C18orf63: variants seen among roughly 807,000 people sequenced by gnomAD.
C18orf63 encodes chromosome 18 open reading frame 63, also known as uncharacterized protein C18orf63.
A neutral mutation model predicts 75.3 loss-of-function variants in C18orf63; 50 were observed. The ratio of observed to expected loss-of-function variants is 0.66; its 90% CI spans 0.53 to 0.84. The LOEUF (loss-of-function observed/expected upper bound fraction) is 0.84. Among genes scored for constraint, C18orf63 ranks in the 40% least tolerant of loss-of-function variants. C18orf63 has a pLI of 0.00. For synonymous variants in C18orf63, 232 were observed against 267.6 expected (o/e 0.87, Z 1.30); for missense variants, 732 against 800.2 (o/e 0.91, Z 1.03).
rs1314941367 is a variant in C18orf63, at chr18:74,353,920, A to C, written c.1653A>C (p.Ser551=). The C allele has an allele frequency of 6.5e-7, 1 of 1,536,092 alleles. No individual in the cohort carries two copies. The highest frequency in any genetic ancestry group is 8.7e-7 in the Non-Finnish European group (1 of 1,146,828). ...CTAATAGTGCAGTATTTGTGGTGTC[A>C]AATAACAATTTAGGGGTGGTAAAAA... ...QLSNSAVFVV[S]NNNLGVVKSA... is the part of the protein sequence containing the mutation. The change falls in exon 12 of 14, where the codon TCA becomes TCC. Residue 551 remains serine, a synonymous_variant. Coordinates refer to ENST00000579455, the MANE Select transcript of C18orf63 (RefSeq NM_001174123.2).
chr18:74,342,279 A>T lies in C18orf63; in HGVS notation c.747A>T (p.Lys249Asn). The change falls in exon 10 of 14, where the codon AAA (lysine) becomes AAT (asparagine). Residue 249 changes from lysine to asparagine, a missense_variant. This residue lies in a region of C18orf63 where 495 missense variants were observed against 508.7 expected (regional missense o/e 0.97). Coordinates refer to ENST00000579455, the MANE Select transcript of C18orf63 (RefSeq NM_001174123.2). ...TTCCAGGTGATTGTGGAAAAATTAA[A>T]ATATACTGCAACATCTATTTCAAAA... is the stretch of plus-strand genomic sequence containing the variant. The part of the protein sequence containing the change: ...YKLPGDCGKI[K>N]IYCNIYFKML... 1 of 1,533,714 alleles carries T rather than the reference A, an allele frequency of 6.5e-7. No homozygotes were observed. Among genetic ancestry groups the T allele is most frequent in the Non-Finnish European group, 8.7e-7 (1 of 1,145,170 alleles).
At position 74,353,595 on chromosome 18, in the gene C18orf63, T is replaced by G; in HGVS notation, c.1328T>G (p.Leu443Trp). ...TTTGTACCAGTTTTCAAAAATAGAT[T>G]GTTACAAATGAACAAAAATACCTCA... ...PKFVPVFKNR[L>W]LQMNKNTSVL... The change falls in exon 12 of 14, where the codon TTG (leucine) becomes TGG (tryptophan). Residue 443 changes from leucine to tryptophan, a missense_variant. Leu to Trp is a moderately conservative substitution (Grantham distance 61). This residue lies in a region of C18orf63 where 495 missense variants were observed against 508.7 expected (regional missense o/e 0.97). Coordinates refer to ENST00000579455, the MANE Select transcript of C18orf63 (RefSeq NM_001174123.2). 2 of 1,536,344 alleles carry G rather than the reference T, an allele frequency of 1.3e-6. No homozygotes were observed. Among genetic ancestry groups the G allele is most frequent in the Non-Finnish European group, 1.7e-6 (2 of 1,146,942 alleles).
intron 1 of C18orf63, among the ~76,000 whole-genome samples, chr18:74,316,837 A>G (rs1984034726): frequency 6.6e-6 from 1 of 152,214 alleles, no homozygotes; most frequent in South Asian, 2.1e-4. Context: ...CACAAAATTA[A>G]ACAATAGTAA....
chr18:74,319,606 A>G (rs914145527), intron 2 of C18orf63, among the ~76,000 whole-genome samples: 3 of 152,154 alleles, frequency 2.0e-5, no homozygotes, highest in Admixed American at 2.0e-4. Flanking sequence ...ACCACTACCC[A>G]GTTCTTTCTG....
intron 4 of C18orf63, among the ~76,000 whole-genome samples, chr18:74,324,513 T>G (rs1295112325): frequency 6.6e-6 from 1 of 152,216 alleles, no homozygotes; most frequent in Non-Finnish European, 1.5e-5. Context: ...AAAATTGGTT[T>G]TGTTATATGT....
At position 74,315,885 on chromosome 18, in the gene C18orf63, G is replaced by C. The variant is rs917616645; in HGVS notation, c.-257G>C. 3.3e-5 allele frequency: 5 copies of C among 152,488 alleles called. No individual in the cohort carries two copies. Among genetic ancestry groups the C allele is most frequent in the Admixed American group, 2.6e-4 (4 of 15,290 alleles). 9.4% of individuals were successfully genotyped at this position (152,488 alleles called of 1,614,324 possible). ...GCGGGGCGAGCCGGGAGCGTCTCCT[G>C]AGGGCAGCGAGGAGGGAGCTGAGGC... On this transcript the variant is annotated 5_prime_UTR_variant, in exon 1 of 14. It removes the in-frame stop codon of an upstream open reading frame in the 5' UTR. Transcript: ENST00000579455.
intron 1 of C18orf63, among the ~76,000 whole-genome samples, chr18:74,316,917 A>C (rs1249996956): frequency 6.6e-6 from 1 of 152,234 alleles, no homozygotes; most frequent in African/African-American, 2.4e-5. Flanking sequence ...GCAATCCGTG[A>C]GTATTTGAAG....
chr18:74,326,526 C>G (rs557221214), intron 4 of C18orf63, among the ~76,000 whole-genome samples: 54 of 152,330 alleles, frequency 3.5e-4, no homozygotes, highest in African/African-American at 1.3e-3. Flanking sequence ...ATACTTCGCA[C>G]TGAAAACTCT....
intron 4 of C18orf63, among the ~76,000 whole-genome samples, chr18:74,325,507 T>C (rs1226508035): frequency 6.6e-6 from 1 of 152,236 alleles, no homozygotes; most frequent in Non-Finnish European, 1.5e-5. Context: ...TATGAATGTG[T>C]CATCAAGTAT....
chr18:74,350,911 G>A (rs1188402472), intron 11 of C18orf63, among the ~76,000 whole-genome samples: 1 of 152,162 alleles, frequency 6.6e-6, no homozygotes, highest in Non-Finnish European at 1.5e-5. Context: ...GAGGTGATTA[G>A]GTCATAGGGG....
At chr18:74,323,328 G>A (rs571264568) in intron 4 of C18orf63, among the ~76,000 whole-genome samples, 2 of 152,246 alleles carry the variant, frequency 1.3e-5, no homozygotes, top group Admixed American at 6.5e-5. Flanking sequence ...AGTAGAGTTT[G>A]GAATAATGAG....
At chr18:74,320,638 A>G in intron 3 of C18orf63, 47 bp downstream of exon 3, 2 of 1,083,666 alleles carry the variant, frequency 1.8e-6, no homozygotes, top group East Asian at 2.6e-5. Flanking sequence ...GTTGAGAACA[A>G]TATTGATAAA....
In C18orf63 at chr18:74,324,161, C is replaced by T. The variant is rs1599000957; in HGVS notation, c.270+1407C>T. Among the ~76,000 whole-genome samples the T allele has an allele frequency of 2.6e-5, 4 of 152,278 alleles. No homozygotes were observed. In the East Asian group the frequency reaches 5.8e-4, roughly 22 times the overall value. ...TACAGTAAATGACGCGGTACAAAAG[C>T]ACTCAGGGAGCCTGTCATATTTGTG... On this transcript the variant is annotated intron_variant, in intron 4 of 13. Transcript: ENST00000579455.
chr18:74,325,550 T>TA (rs1156248108), intron 4 of C18orf63, among the ~76,000 whole-genome samples: 1 of 152,240 alleles, frequency 6.6e-6, no homozygotes, highest in Admixed American at 6.5e-5. Flanking sequence ...CATTGGTTGA[T>TA]AGTGTTTTTA....
chr18:74,355,721 A>C (rs1020460265), intron 13 of C18orf63, among the ~76,000 whole-genome samples: 2 of 152,170 alleles, frequency 1.3e-5, no homozygotes, highest in African/African-American at 4.8e-5. Flanking sequence ...GGAGTTTGAT[A>C]CCAGCTTGGG....
Position 74,353,371 on chromosome 18 carries a change from C to T in C18orf63, c.1104C>T (p.His368=). Residue 368 remains histidine (H), a synonymous_variant, in exon 12 of 14, where the codon CAC becomes CAT. Transcript: ENST00000579455. ...TACCATGTTCAGTAGCAGTGGACCA[C>T]AAGGTGGAGCTTTCAGTCAGCCAGC... ...SLLPCSVAVD[H]KVELSVSQPT... 6.5e-7 allele frequency: 1 copy of T among 1,536,384 alleles called. No individual in the cohort carries two copies.
chr18:74,343,782 G>GTTCCACCCCA, intron 11 of C18orf63, 80 bp downstream of exon 11: 14 of 878,240 alleles, frequency 1.6e-5, no homozygotes, highest in South Asian at 2.5e-5. Flanking sequence ...CTTCTGGGGT[G>GTTCCACCCCA]GAACACCCAA....
At chr18:74,333,152 G>C (rs1187787472) in intron 7 of C18orf63, among the ~76,000 whole-genome samples, 1 of 152,126 alleles carries the variant, frequency 6.6e-6, no homozygotes, top group Non-Finnish European at 1.5e-5. Flanking sequence ...AACAGCTCTT[G>C]GAGGACATGG....
At chr18:74,349,039 C>T (rs546510346) in intron 11 of C18orf63, among the ~76,000 whole-genome samples, 54 of 152,166 alleles carry the variant, frequency 3.5e-4, no homozygotes, top group African/African-American at 1.2e-3. Context: ...GTTTTATGTT[C>T]GAATACAAAT....
Sources: allele counts gnomAD v4.1 joint callset (sites outside exome capture counted in the v4.1 genomes callset), GRCh38; gene constraint gnomAD v4.1.1; regional missense constraint gnomAD v4.1.1; transcripts MANE v1.5; gene names NCBI Gene and HGNC (gene_info 2026-07-23, HGNC 2026-07-21).